DAB1: variants seen among roughly 807,000 people sequenced by gnomAD.
DAB1 encodes the protein DAB adaptor protein 1.
A neutral mutation model predicts 64.6 loss-of-function variants in DAB1; 15 were observed. The observed-to-expected ratio is 0.23, with a 90% CI of 0.16 to 0.36. The LOEUF (loss-of-function observed/expected upper bound fraction) is 0.36, where lower values mean the gene tolerates loss of function less well. Ranked by LOEUF, DAB1 falls within the 10% of genes least tolerant of loss-of-function variation. The pLI is 1.00. For missense variants in DAB1, 596 were observed against 706.7 expected (o/e 0.84, Z 1.78); for synonymous variants, 235 against 251.9 (o/e 0.93, Z 0.64).
At chr1:57,897,980 C>T (rs1284329338) in intron 5 of DAB1, among the ~76,000 whole-genome samples, 2 of 152,096 alleles carry the variant, frequency 1.3e-5, no homozygotes, top group Admixed American at 1.3e-4. Context: ...GACAATCTGA[C>T]AGCAGGTCCT....
chr1:58,227,684 T>C (rs941713868), intron 4 of DAB1, among the ~76,000 whole-genome samples: 7 of 152,124 alleles, frequency 4.6e-5, no homozygotes, highest in Non-Finnish European at 2.9e-5. Context: ...ACATAAGGCC[T>C]CCAGGAAGGC....
chr1:57,802,043 G>A (rs1347066911), intron 6 of DAB1, among the ~76,000 whole-genome samples: 1 of 152,160 alleles, frequency 6.6e-6, no homozygotes, highest in Non-Finnish European at 1.5e-5. Context: ...ATTGGAATAG[G>A]TTCCTTCAAG....
chr1:57,547,248 A>G (rs1367620786), intron 7 of DAB1, among the ~76,000 whole-genome samples: 1 of 152,214 alleles, frequency 6.6e-6, no homozygotes, highest in African/African-American at 2.4e-5. Flanking sequence ...TACTATCTTA[A>G]GAACATTAAG....
At chr1:57,824,738 G>A (rs951087241), downstream of DAB1, among the ~76,000 whole-genome samples, 12 of 152,190 alleles carry the variant, frequency 7.9e-5, no homozygotes, top group African/African-American at 2.9e-4. Context: ...ATTGCCTGCA[G>A]CTAATATTTA....
intron 7 of DAB1, among the ~76,000 whole-genome samples, chr1:57,459,822 A>C (rs577916889): frequency 2.0e-5 from 3 of 152,292 alleles, no homozygotes; most frequent in Admixed American, 2.0e-4. Context: ...TCCTGGAGCT[A>C]GCGTTGAGGA....
At chr1:57,636,757 G>A (rs1646062041) in intron 7 of DAB1, among the ~76,000 whole-genome samples, 1 of 152,160 alleles carries the variant, frequency 6.6e-6, no homozygotes, top group African/African-American at 2.4e-5. Context: ...GTTATGGAAG[G>A]AATAGCTGGG....
intron 7 of DAB1, among the ~76,000 whole-genome samples, chr1:57,589,805 T>C (rs1033589564): frequency 1.3e-5 from 2 of 152,058 alleles, no homozygotes; most frequent in African/African-American, 2.4e-5. Context: ...AAGTAGCCAA[T>C]GCAACTATGA....
chr1:57,541,665 G>C (rs1287878625), intron 7 of DAB1, among the ~76,000 whole-genome samples: 1 of 152,110 alleles, frequency 6.6e-6, no homozygotes, highest in Non-Finnish European at 1.5e-5. Flanking sequence ...AATGGGTTTT[G>C]GGAAGACAAG....
intron 5 of DAB1, among the ~76,000 whole-genome samples, chr1:58,139,030 A>G (rs2100710986): frequency 6.6e-6 from 1 of 152,306 alleles, no homozygotes; most frequent in African/African-American, 2.4e-5. Flanking sequence ...AAACTCCACC[A>G]TCAAGGTGTG....
chr1:57,661,312 C>T (rs1570715375), intron 6 of DAB1, among the ~76,000 whole-genome samples: 1 of 152,276 alleles, frequency 6.6e-6, no homozygotes, highest in South Asian at 2.1e-4. Context: ...CATAGGTTGG[C>T]TCTTTCTGTG....
intron 6 of DAB1, among the ~76,000 whole-genome samples, chr1:57,690,930 T>C (rs1356258197): frequency 2.6e-5 from 4 of 152,208 alleles, no homozygotes; most frequent in Non-Finnish European, 4.4e-5. Context: ...CTGTTTACCA[T>C]TTGTGCATCT....
intron 2 of DAB1, among the ~76,000 whole-genome samples, chr1:57,163,843 G>T (rs996316723): frequency 3.9e-5 from 6 of 152,166 alleles, no homozygotes; most frequent in African/African-American, 9.7e-5. Flanking sequence ...GGAAGGCAGG[G>T]TCACTTCCTA....
chr1:58,348,208 G>T (rs1375682589), intron 3 of DAB1, among the ~76,000 whole-genome samples: 2 of 152,152 alleles, frequency 1.3e-5, no homozygotes, highest in Non-Finnish European at 2.9e-5. Context: ...ACTCTAGGAG[G>T]TTGTGATTTT....
At chr1:57,957,568 GGATA>G in intron 5 of DAB1, among the ~76,000 whole-genome samples, 1 of 152,282 alleles carries the variant, frequency 6.6e-6, no homozygotes. Flanking sequence ...ACACCAATCT[GGATA>G]TTAGCACATA....
chr1:58,453,522 G>A (rs558059038), intron 3 of DAB1, among the ~76,000 whole-genome samples: 1 of 152,254 alleles, frequency 6.6e-6, no homozygotes, highest in Non-Finnish European at 1.5e-5. Context: ...CTGGAATCCT[G>A]CCTCTCGAAA....
At chr1:58,003,145 C>T (rs967991212) in intron 5 of DAB1, among the ~76,000 whole-genome samples, 32 of 152,124 alleles carry the variant, frequency 2.1e-4, no homozygotes, top group Non-Finnish European at 4.0e-4. Flanking sequence ...CTGCCCTTCC[C>T]TCAATGGGTA....
At chr1:58,461,187 C>T (rs1409507591) in intron 3 of DAB1, among the ~76,000 whole-genome samples, 2 of 152,074 alleles carry the variant, frequency 1.3e-5, no homozygotes, top group South Asian at 4.1e-4. Flanking sequence ...TAAAAACCTC[C>T]ATCTTAAAAA....
chr1:58,015,977 T>C (rs1436939444), intron 5 of DAB1, among the ~76,000 whole-genome samples: 1 of 151,976 alleles, frequency 6.6e-6, no homozygotes, highest in Non-Finnish European at 1.5e-5. Context: ...TGCTGTCATT[T>C]TGCAGTGATG....
intron 4 of DAB1, among the ~76,000 whole-genome samples, chr1:58,261,092 G>A (rs1028629187): frequency 5.3e-5 from 8 of 152,108 alleles, no homozygotes; most frequent in African/African-American, 1.9e-4. Flanking sequence ...GTAGATATTT[G>A]TGGGTATTTG....
Sources: allele counts gnomAD v4.1 joint callset (sites outside exome capture counted in the v4.1 genomes callset), GRCh38; gene constraint gnomAD v4.1.1; transcripts MANE v1.5; gene names NCBI Gene and HGNC (gene_info 2026-07-23, HGNC 2026-07-21).